MAP4K1: variants seen among roughly 807,000 people sequenced by gnomAD.
The protein encoded by MAP4K1 is mitogen-activated protein kinase kinase kinase kinase 1.
In MAP4K1, 35 loss-of-function variants were observed where a neutral mutation model predicts 122.8. The ratio of observed to expected loss-of-function variants is 0.29; its 90% confidence interval spans 0.22 to 0.38. The LOEUF (loss-of-function observed/expected upper bound fraction) is 0.38, where lower values mean the gene tolerates loss of function less well. Among genes scored for constraint, MAP4K1 ranks in the 10% least tolerant of loss-of-function variants. MAP4K1 has a pLI of 1.00. For missense variants in MAP4K1, 791 were observed against 1,072.6 expected (o/e 0.74, Z 3.67); for synonymous variants, 412 against 421.3 (o/e 0.98, Z 0.27).
At chr19:38,594,894 T>A (rs1001567195) in intron 29 of MAP4K1, among the ~76,000 whole-genome samples, 8 of 151,878 alleles carry the variant, frequency 5.3e-5, no homozygotes, top group Admixed American at 5.3e-4. Context: ...TGAGCCGAGA[T>A]CGCGCCACTA....
intron 30 of MAP4K1, among the ~76,000 whole-genome samples, chr19:38,588,984 A>C (rs2145925700): frequency 6.6e-6 from 1 of 152,186 alleles, no homozygotes; most frequent in Admixed American, 6.6e-5. Context: ...CCATGAGACC[A>C]TGCTGGTATA....
chr19:38,608,815 A>C (rs1373069091), intron 13 of MAP4K1, among the ~76,000 whole-genome samples: 2 of 147,950 alleles, frequency 1.4e-5, no homozygotes, highest in Non-Finnish European at 3.0e-5. Flanking sequence ...AAAAAAAAAA[A>C]AAAAAAAAAA....
chr19:38,615,458 CA>C (rs1262986435), intron 4 of MAP4K1, among the ~76,000 whole-genome samples: 1 of 151,314 alleles, frequency 6.6e-6, no homozygotes, highest in African/African-American at 2.4e-5. Context: ...TTGAAAAAAA[CA>C]AAAAAATGAG....
At chr19:38,601,928 C>T (rs2144714815) in intron 19 of MAP4K1, among the ~76,000 whole-genome samples, 1 of 152,158 alleles carries the variant, frequency 6.6e-6, no homozygotes, top group East Asian at 1.9e-4. Context: ...AAGGCGTGTG[C>T]CACCACACCC....
chr19:38,607,837 T>C, intron 16 of MAP4K1, 27 bp downstream of exon 16: 1 of 1,608,294 alleles, frequency 6.2e-7, no homozygotes, highest in Non-Finnish European at 8.5e-7. Flanking sequence ...GTGGGGCCTG[T>C]GGAGCTGCAG....
At position 38,614,171 on chromosome 19, in the gene MAP4K1, C is replaced by T. The variant is rs1249714787; in HGVS notation, c.417+74G>A. 6.8e-6 allele frequency: 11 copies of T among 1,608,198 alleles called. No individual in the cohort carries two copies. The Admixed American group carries it at 1.7e-4, about 24-fold the overall frequency. Reference sequence around the variant, plus strand: ...CTCCGCCAGCTCAAACTACCCTGATCCCTGAGCCCCTGAAATGCCACTCCC... The same window carrying T: ...CTCCGCCAGCTCAAACTACCCTGATTCCTGAGCCCCTGAAATGCCACTCCC... On this transcript the variant is annotated intron_variant, in intron 6 of 30. Transcript: ENST00000396857.
At chr19:38,602,177 G>C (rs1975083703) in intron 19 of MAP4K1, among the ~76,000 whole-genome samples, 1 of 152,174 alleles carries the variant, frequency 6.6e-6, no homozygotes, top group Non-Finnish European at 1.5e-5. Flanking sequence ...CTGGGCTCAA[G>C]CAATTCTTCT....
chr19:38,612,584 G>T, intron 9 of MAP4K1, 27 bp downstream of exon 9: 1 of 1,605,200 alleles, frequency 6.2e-7, no homozygotes, highest in Non-Finnish European at 8.5e-7. Flanking sequence ...CAGGATCTCT[G>T]GGCCTGGGGA....
intron 25 of MAP4K1, 99 bp from the exon 26 acceptor site, chr19:38,596,585 C>G: frequency 9.6e-7 from 1 of 1,044,426 alleles, no homozygotes; most frequent in Non-Finnish European, 1.3e-6. Flanking sequence ...AACCAGGGCC[C>G]TAAGTCTTGG....
At position 38,617,524 on chromosome 19, in the gene MAP4K1, C is replaced by T. The variant is rs781635783; in HGVS notation, c.157+44G>A. ...GAGGTGATCCCAGTGTCCCAGGAGG[C>T]GAAGGTGGGGATGTGGGGAAGGAGC... On this transcript the variant is annotated intron_variant, in intron 2 of 30. Transcript: ENST00000396857. This position sits in a 1 kb window ranked among gnomAD's most constrained non-coding sequence, Gnocchi z 4.1. 4.9e-5 allele frequency: 79 copies of T among 1,612,248 alleles called. No homozygotes were observed. The highest frequency in any genetic ancestry group is 2.2e-4 in the South Asian group (20 of 91,008).
intron 29 of MAP4K1, among the ~76,000 whole-genome samples, chr19:38,594,405 T>G (rs957869367): frequency 1.3e-5 from 2 of 152,118 alleles, no homozygotes; most frequent in Non-Finnish European, 2.9e-5. Flanking sequence ...TTTCGGAGGC[T>G]GAGGCGGGCA....
Position 38,606,181 on chromosome 19 carries a change from G to A in MAP4K1, c.1192C>T (p.Pro398Ser). Residue 398 changes from proline to serine, a missense_variant, in exon 17 of 31, where the codon CCC becomes TCC. Coordinates refer to ENST00000396857, the MANE Select transcript of MAP4K1 (RefSeq NM_001042600.3). ...TPAEDTPPPL[P>S]PKPKFRSPSD... ...CTGGCCCAGGGCCTTACCTTGGGGG[G>A]AAGTGGAGGAGGTGTGTCCTCTGCA... 6.3e-7 allele frequency: 1 copy of A among 1,579,874 alleles called. No homozygotes were observed. Among genetic ancestry groups the A allele is most frequent in the Non-Finnish European group, 8.6e-7 (1 of 1,166,872 alleles).
intron 19 of MAP4K1, among the ~76,000 whole-genome samples, chr19:38,604,558 A>C (rs2144725123): frequency 6.6e-6 from 1 of 152,032 alleles, no homozygotes; most frequent in African/African-American, 2.4e-5. Context: ...TGGGAGGCCG[A>C]GGCGGGCAGA....
At position 38,605,617 on chromosome 19, in the gene MAP4K1, A is replaced by C; in HGVS notation, c.1314T>G (p.Arg438=). The C allele has an allele frequency of 6.4e-7, 1 of 1,573,308 alleles. No homozygotes were observed. Among genetic ancestry groups the C allele is most frequent in the Non-Finnish European group, 8.6e-7 (1 of 1,161,096 alleles). The change falls in exon 18 of 31, where the codon CGT becomes CGG. Residue 438 remains arginine, a synonymous_variant. Transcript: ENST00000396857. ...CASGPPPNSP[R]PGPPPSTSSP... ...TGCTGGTGGATGGGGGAGGCCCAGG[A>C]CGGGGGCTGTTTGGTGGGGGCCCAC... is the stretch of plus-strand genomic sequence containing the variant.
intron 13 of MAP4K1, 117 bp downstream of exon 13, chr19:38,609,479 G>A (rs1975429418): frequency 3.4e-6 from 3 of 869,756 alleles, no homozygotes; most frequent in Admixed American, 4.2e-5. Context: ...ATTGTCTGGG[G>A]TCTCTTATAG....
chr19:38,599,843 C>A, intron 22 of MAP4K1, 82 bp downstream of exon 22: 1 of 1,331,614 alleles, frequency 7.5e-7, no homozygotes, highest in Non-Finnish European at 1.1e-6. Context: ...TTTTTTTCAG[C>A]TGTGCCCGTC....
chr19:38,598,032 A>T (rs1974941615), intron 22 of MAP4K1, among the ~76,000 whole-genome samples: 1 of 151,598 alleles, frequency 6.6e-6, no homozygotes, highest in Non-Finnish European at 1.5e-5. Context: ...TCATTTATTT[A>T]TTATTATTAT....
rs1271727605 is a variant in MAP4K1 at position 38,603,454 on chromosome 19, GTGTATATATGTATA to G, written c.1446+1941_1447-1930del. ...TACACACATATACATGTATATGTGT[GTGTATATATGTATA>G]TGTATATATGTATGATTAATTATGC... On this transcript the variant is annotated intron_variant, in intron 19 of 30. Coordinates refer to ENST00000396857, the MANE Select transcript of MAP4K1 (RefSeq NM_001042600.3). Among the ~76,000 whole-genome samples, 5 of 151,376 alleles carry G rather than the reference GTGTATATATGTATA, an allele frequency of 3.3e-5. 1 individual carries two copies. The highest frequency in any genetic ancestry group is 4.2e-4 in the South Asian group (2 of 4,808).
At position 38,597,739 on chromosome 19, in the gene MAP4K1, C is replaced by T; in HGVS notation, c.1670-145G>A. ...CTCAAGTACTTGTCATTCATTCATTCATTTCTCACTCCACATAGATTGAAC... is the reference window on the plus strand; with the variant it reads ...CTCAAGTACTTGTCATTCATTCATTTATTTCTCACTCCACATAGATTGAAC... On this transcript the variant is annotated intron_variant, in intron 22 of 30. Coordinates refer to ENST00000396857, the MANE Select transcript of MAP4K1 (RefSeq NM_001042600.3). The surrounding 1 kb of genome is among the most constrained non-coding windows in gnomAD (Gnocchi z 4.6). The T allele has an allele frequency of 3.3e-6, 2 of 610,478 alleles. No homozygotes were observed. The highest frequency in any genetic ancestry group is 4.1e-5 in the South Asian group (2 of 49,012). 37.8% of individuals were successfully genotyped at this position (610,478 alleles called of 1,614,324 possible).
Sources: gnomAD v4.1 joint callset for allele counts (sites outside exome capture counted in the v4.1 genomes callset) on GRCh38, gnomAD v4.1.1 for gene constraint, Gnocchi (gnomAD v3.1) non-coding constraint, MANE v1.5 for transcripts, NCBI Gene and HGNC (gene_info 2026-07-23, HGNC 2026-07-21) for gene names.